MROH1: variants seen among roughly 807,000 people sequenced by gnomAD.
The protein encoded by MROH1 is maestro heat-like repeat-containing protein family member 1.
A neutral mutation model predicts 116.5 loss-of-function variants in MROH1; 117 were observed. The observed-to-expected ratio is 1.00, with a 90% CI of 0.86 to 1.17. The LOEUF (loss-of-function observed/expected upper bound fraction) is 1.17. MROH1 is among the 50% of genes most tolerant of loss of function. The pLI is 0.00. For missense variants in MROH1, 1,873 were observed against 1,338.5 expected (o/e 1.40, Z -6.23); for synonymous variants, 921 against 583.9 (o/e 1.58, Z -8.32).
chr8:144,174,758 C>G, intron 4 of MROH1: 1 of 875,554 alleles, frequency 1.1e-6, no homozygotes, highest in Non-Finnish European at 1.4e-6. Context: ...GCTGGGGTTA[C>G]AGGTGTGAGC....
Position 144,182,809 on chromosome 8 carries a change from G to GCTCATGC in MROH1, c.562+2289_562+2295dup, listed in dbSNP as rs1477196565. The stretch of plus-strand genomic sequence containing the variant: ...CATGCCCTAGTGGCCGGGTGCGGTG[G>GCTCATGC]CTCATGCCTGTAATCCCAGCACTTT... On this transcript the variant is annotated intron_variant, in intron 7 of 43. Transcript: ENST00000326134. This position sits in a 1 kb window ranked among gnomAD's most constrained non-coding sequence, Gnocchi z 4.1. Among the ~76,000 whole-genome samples, 1 of 152,298 alleles carries GCTCATGC rather than the reference G, an allele frequency of 6.6e-6. No individual in the cohort carries two copies. Among genetic ancestry groups the GCTCATGC allele is most frequent in the African/African-American group, 2.4e-5 (1 of 41,570 alleles).
chr8:144,195,292 G>C (rs971829993), intron 10 of MROH1, among the ~76,000 whole-genome samples: 6 of 149,072 alleles, frequency 4.0e-5, no homozygotes, highest in African/African-American at 1.5e-4. Context: ...ACGAGGTCAG[G>C]AGATCGAGAC....
At position 144,260,666 on chromosome 8, in the gene MROH1, G is replaced by A. The variant is rs1844869119; in HGVS notation, c.4381-11G>A. 1.3e-6 allele frequency: 1 copy of A among 778,358 alleles called. No homozygotes were observed. The highest frequency in any genetic ancestry group is 1.7e-5 in the African/African-American group (1 of 59,268). The allele number at this position is 778,358 out of a possible 1,614,324, so 48.2% of individuals were successfully genotyped here. ...GCCTGTGAGGAGACGTATGCTGCATGTCCTTCCCAGGAGAAGATGGAGTTC... is the reference window on the plus strand; with the variant it reads ...GCCTGTGAGGAGACGTATGCTGCATATCCTTCCCAGGAGAAGATGGAGTTC... On this transcript the variant is annotated splice_polypyrimidine_tract_variant and intron_variant, in intron 39 of 43. Transcript: ENST00000326134.
chr8:144,229,114 A>T (rs545597101), intron 14 of MROH1, among the ~76,000 whole-genome samples: 1 of 152,136 alleles, frequency 6.6e-6, no homozygotes, highest in Non-Finnish European at 1.5e-5. Flanking sequence ...TCCATTTCCA[A>T]TTCTAATTCT....
rs1257431059 is a variant in MROH1, at chr8:144,260,819, C to G, written c.4523C>G (p.Ala1508Gly). The G allele has an allele frequency of 2.6e-6, 2 of 777,770 alleles. No individual in the cohort carries two copies. The highest frequency in any genetic ancestry group is 3.4e-5 in the African/African-American group (2 of 59,124). The allele number at this position is 777,770 out of a possible 1,614,324, so 48.2% of individuals were successfully genotyped here. A position where few individuals can be genotyped will look rare whatever the true frequency, so the allele number is the denominator to read the frequency against. ...CTGCTGCACCTGCAGGACCCTCAGG[C>G]CACCGTGGCCAGCGTGAGTAGCCAG... ...PLLLHLQDPQATVASACRFAL... is the reference protein window; with the variant it reads ...PLLLHLQDPQGTVASACRFAL... Residue 1508 changes from alanine to glycine, a missense_variant, in exon 40 of 44, where the codon GCC (alanine) becomes GGC (glycine). Ala to Gly is a moderately conservative substitution (Grantham distance 60). Transcript: ENST00000326134.
chr8:144,250,610 C>A, intron 33 of MROH1: 1 of 587,460 alleles, frequency 1.7e-6, no homozygotes, highest in Non-Finnish European at 3.1e-6. Flanking sequence ...GCACAGCACC[C>A]CCACAGGGAA....
chr8:144,200,822 T>C, intron 12 of MROH1: 1 of 404,884 alleles, frequency 2.5e-6, no homozygotes, highest in Non-Finnish European at 4.6e-6. Context: ...CCTCTGAGGG[T>C]TCCCAGAGCC....
intron 7 of MROH1, among the ~76,000 whole-genome samples, chr8:144,181,555 C>T (rs1280050953): frequency 6.6e-6 from 1 of 152,196 alleles, no homozygotes; most frequent in Non-Finnish European, 1.5e-5. Flanking sequence ...ATCTTTGGGG[C>T]ACTCCTTCAC....
rs887655827 is a variant in MROH1 at position 144,210,860 on chromosome 8, A to G, written c.1142-9740A>G. Among the ~76,000 whole-genome samples the G allele has an allele frequency of 3.3e-5, 5 of 152,224 alleles. No individual in the cohort carries two copies. In the South Asian group the frequency reaches 1.0e-3, roughly 32 times the overall value. ...ATGCAATATAAAATTTAGCATCTTA[A>G]TCGTTTTTAAGCAAATGCTTCAGTA... On this transcript the variant is annotated intron_variant, in intron 12 of 43. Coordinates refer to ENST00000326134, the MANE Select transcript of MROH1 (RefSeq NM_032450.3).
At chr8:144,158,464 T>A (rs1564359010) in intron 1 of MROH1, among the ~76,000 whole-genome samples, 2 of 152,184 alleles carry the variant, frequency 1.3e-5, no homozygotes, top group Admixed American at 6.6e-5. Context: ...ATTATTTTTT[T>A]CCTGCACATT....
intron 12 of MROH1, among the ~76,000 whole-genome samples, chr8:144,204,721 T>C (rs769632431): frequency 3.9e-5 from 6 of 152,254 alleles, no homozygotes; most frequent in Non-Finnish European, 5.9e-5. Context: ...ATACATATAG[T>C]ACAGCTTATT....
chr8:144,212,006 C>G (rs1245310014), intron 12 of MROH1, among the ~76,000 whole-genome samples: 1 of 152,160 alleles, frequency 6.6e-6, no homozygotes, highest in Admixed American at 6.5e-5. Context: ...CTGTTTCTTG[C>G]TTTAGACCTG....
chr8:144,162,850 G>A (rs1819899293), intron 2 of MROH1, among the ~76,000 whole-genome samples: 1 of 151,314 alleles, frequency 6.6e-6, no homozygotes, highest in African/African-American at 2.4e-5. Context: ...AGCTCCCTGA[G>A]TAGCTAGGAC....
At chr8:144,208,454 A>C (rs371214111) in intron 12 of MROH1, among the ~76,000 whole-genome samples, 1 of 144,814 alleles carries the variant, frequency 6.9e-6, no homozygotes, top group Admixed American at 7.0e-5. Flanking sequence ...CTTCATGTGC[A>C]TTTTTCCTGT....
intron 14 of MROH1, among the ~76,000 whole-genome samples, chr8:144,237,031 G>A (rs1343038457): frequency 5.4e-5 from 8 of 147,478 alleles, no homozygotes; most frequent in South Asian, 4.5e-4. Context: ...TCAGCCTCCC[G>A]AGTAGCTGGG....
At chr8:144,216,104 G>C (rs113884171) in intron 12 of MROH1, among the ~76,000 whole-genome samples, 2,372 of 151,934 alleles carry the variant, frequency 0.016, 50 homozygotes, top group African/African-American at 0.052. Context: ...ACTTGAACCT[G>C]GGAGGCGGAG....
At chr8:144,207,654 C>A (rs1833137607) in intron 12 of MROH1, among the ~76,000 whole-genome samples, 1 of 152,082 alleles carries the variant, frequency 6.6e-6, no homozygotes, top group South Asian at 2.1e-4. Flanking sequence ...TACAGGAGTG[C>A]ACTACCATGC....
At chr8:144,186,868 G>A (rs1289162329) in intron 7 of MROH1, among the ~76,000 whole-genome samples, 2 of 152,132 alleles carry the variant, frequency 1.3e-5, no homozygotes, top group Non-Finnish European at 2.9e-5. Flanking sequence ...TGAGGCAGGC[G>A]GATTGCCTGA....
chr8:144,158,741 C>CT (rs545027106), intron 1 of MROH1, among the ~76,000 whole-genome samples: 16,354 of 146,680 alleles, frequency 0.11, 2,899 homozygotes, highest in African/African-American at 0.38. Flanking sequence ...TTCTTTTACA[C>CT]TTTTTTTTTT....
Sources: allele counts gnomAD v4.1 joint callset (sites outside exome capture counted in the v4.1 genomes callset), GRCh38; gene constraint gnomAD v4.1.1; non-coding constraint Gnocchi (gnomAD v3.1); transcripts MANE v1.5; gene names NCBI Gene and HGNC (gene_info 2026-07-23, HGNC 2026-07-21).